The following SPEG variants were observed in gnomAD, a reference collection of about 807,000 sequenced individuals.
SPEG encodes the protein striated muscle preferentially expressed protein kinase.
Under a neutral mutation model 300.4 loss-of-function variants are expected in SPEG, and 114 were observed. That is an observed-to-expected ratio of 0.38 (90% CI 0.33 to 0.44). The LOEUF (loss-of-function observed/expected upper bound fraction) is 0.44. Among genes scored for constraint, SPEG ranks in the 20% least tolerant of loss-of-function variants. The probability of loss-of-function intolerance (pLI) is 1.00; values close to 1 mark genes in which losing one functional copy is unlikely to be tolerated. For synonymous variants in SPEG, 1,964 were observed against 2,018.9 expected (o/e 0.97, Z 0.73); for missense variants, 4,201 against 4,586.2 (o/e 0.92, Z 2.43).
chr2:219,442,429 G>C, intron 1 of SPEG, among the ~76,000 whole-genome samples: 1 of 147,782 alleles, frequency 6.8e-6, no homozygotes, highest in Non-Finnish European at 1.5e-5. Context: ...TCAACCCCGG[G>C]CCCCGGCCCC....
In SPEG at chr2:219,471,951, G is replaced by A; in HGVS notation, c.3799G>A (p.Gly1267Ser). 5 of 1,613,740 alleles carry A rather than the reference G, an allele frequency of 3.1e-6. No individual in the cohort carries two copies. The highest frequency in any genetic ancestry group is 4.2e-6 in the Non-Finnish European group (5 of 1,179,994). The change falls in exon 14 of 41, where the codon GGC becomes AGC. Residue 1267 changes from glycine to serine, a missense_variant. By Grantham distance (56) the Gly-to-Ser change is moderately conservative. Around this residue, in one of 4 missense-constraint regions of SPEG, gnomAD observed 1,047 missense variants for 1,356.8 expected, o/e 0.77. Transcript: ENST00000312358. ...CAAGAGCGTCATTGCCAACAAGCTG[G>A]GCAAAGCTGCCTGCTATGCCCACCT... Reference protein sequence around the residue: ...VYKSVIANKLGKAACYAHLYV... With the variant: ...VYKSVIANKLSKAACYAHLYV...
chr2:219,483,548 G>T lies in SPEG; in HGVS notation c.6085G>T (p.Gly2029Cys). 1 of 1,418,072 alleles carries T rather than the reference G, an allele frequency of 7.1e-7. No individual in the cohort carries two copies. Among genetic ancestry groups the T allele is most frequent in the South Asian group, 1.5e-5 (1 of 65,650 alleles). 87.8% of individuals were successfully genotyped at this position (1,418,072 alleles called of 1,614,324 possible). The change falls in exon 30 of 41, where the codon GGC (glycine) becomes TGC (cysteine). Residue 2029 changes from glycine (G) to cysteine (C), a missense_variant. This residue lies in a region of SPEG where 1,578 missense variants were observed against 1,506.0 expected (regional missense o/e 1.05). Transcript: ENST00000312358. ...GCCCCGGGCCGGGCCGCGGGAGCTG[G>T]GCCGGGGCCTGCACAAGGCGGCGTC... ...ALPRAGPRELGRGLHKAASVE... is the reference protein window; with the variant it reads ...ALPRAGPRELCRGLHKAASVE...
rs774499373 is a variant in SPEG at position 219,477,361 on chromosome 2, G to T, written c.4645G>T (p.Ala1549Ser). The change falls in exon 20 of 41, where the codon GCC becomes TCC. Residue 1549 changes from alanine (A) to serine (S), a missense_variant. Physicochemically the swap from Ala to Ser is moderately conservative, Grantham distance 99 (BLOSUM62 1). This residue lies in a region of SPEG where 1,047 missense variants were observed against 1,356.8 expected (regional missense o/e 0.77). Transcript: ENST00000312358. This position sits in a 1 kb window ranked among gnomAD's most constrained non-coding sequence, Gnocchi z 6.4. Reference sequence around the variant, plus strand: ...CTCCCTGGTGGTGCTCAGCACGGGGGCCCAGGATGGAGGCGTCTACACCTG... The same window carrying T: ...CTCCCTGGTGGTGCTCAGCACGGGGTCCCAGGATGGAGGCGTCTACACCTG... ...ECSLVVLSTG[A>S]QDGGVYTCTA... 1.2e-6 allele frequency: 2 copies of T among 1,613,186 alleles called. No homozygotes were observed. Among genetic ancestry groups the T allele is most frequent in the East Asian group, 2.2e-5 (1 of 44,864 alleles).
Position 219,444,681 on chromosome 2 carries a change from C to G in SPEG, c.417C>G (p.Ser139Arg), listed in dbSNP as rs780134728. The change falls in exon 2 of 41, where the codon AGC becomes AGG. Residue 139 changes from serine (S) to arginine (R), a missense_variant. By Grantham distance (110) the Ser-to-Arg change is moderately radical. Transcript: ENST00000312358. This position sits in a 1 kb window ranked among gnomAD's most constrained non-coding sequence, Gnocchi z 7.8. ...CAGAGACGGCTGAGGATGACATCAGCGATGTGCAGGGAACCCAGCGCCTGG... is the reference window on the plus strand; with the variant it reads ...CAGAGACGGCTGAGGATGACATCAGGGATGTGCAGGGAACCCAGCGCCTGG... ...GDSETAEDDI[S>R]DVQGTQRLEL... 3.7e-6 allele frequency: 6 copies of G among 1,614,018 alleles called. No homozygotes were observed. The highest frequency in any genetic ancestry group is 1.7e-4 in the Middle Eastern group (1 of 6,058).
chr2:219,489,526 G>A lies in SPEG; in HGVS notation c.8508G>A (p.Lys2836=), dbSNP rs199850470. 3.8e-4 allele frequency: 606 copies of A among 1,608,226 alleles called. 2 individuals carry two copies. The highest frequency in any genetic ancestry group is 2.4e-3 in the South Asian group (215 of 90,910). The change falls in exon 36 of 41, where the codon AAG becomes AAA. Residue 2836 remains lysine, a synonymous_variant. Coordinates refer to ENST00000312358, the MANE Select transcript of SPEG (RefSeq NM_005876.5). ...TPPSQALSSL[K]AVGPPPQTPP... ...CTAGCCAGGCCTTGTCCTCGCTCAAGGCTGTGGGTCCACCACCCCAAACCC... is the reference window on the plus strand; with the variant it reads ...CTAGCCAGGCCTTGTCCTCGCTCAAAGCTGTGGGTCCACCACCCCAAACCC...
In SPEG at chr2:219,492,611, A is replaced by C; in HGVS notation, c.9629A>C (p.Gln3210Pro). The stretch of plus-strand genomic sequence containing the variant: ...CCTGGCAGGAGCCGGCCCTCCCTGC[A>C]GGACTGCCTGGCCCACCCATGGTTG... Reference protein sequence around the residue: ...SVHPWSRPSLQDCLAHPWLQD... With the variant: ...SVHPWSRPSLPDCLAHPWLQD... Residue 3210 changes from glutamine to proline, a missense_variant, in exon 41 of 41, where the codon CAG becomes CCG. Physicochemically the swap from Gln to Pro is moderately conservative, Grantham distance 76. Around this residue, in one of 4 missense-constraint regions of SPEG, gnomAD observed 318 missense variants for 429.5 expected, o/e 0.74. Coordinates refer to ENST00000312358, the MANE Select transcript of SPEG (RefSeq NM_005876.5). The C allele has an allele frequency of 1.2e-6, 2 of 1,610,008 alleles. No homozygotes were observed. Among genetic ancestry groups the C allele is most frequent in the African/African-American group, 2.7e-5 (2 of 75,040 alleles).
rs768719984 is a variant in SPEG at position 219,484,351 on chromosome 2, A to G, written c.6888A>G (p.Ser2296=). ...PPGAPEKRVP[S]AGGPPVLAEK... ...GAGCCCCCGAGAAGCGCGTGCCCTC[A>G]GCCGGGGGTCCCCCGGTGCTAGCCG... The change falls in exon 30 of 41, where the codon TCA becomes TCG. Residue 2296 remains serine (S), a synonymous_variant. Transcript: ENST00000312358. 6.2e-7 allele frequency: 1 copy of G among 1,604,832 alleles called. No homozygotes were observed.
Position 219,462,435 on chromosome 2 carries a change from TG to T in SPEG, c.2705+51del, listed in dbSNP as rs763971269. 1.8e-4 allele frequency: 269 copies of T among 1,472,874 alleles called. 2 individuals carry two copies. The Middle Eastern group carries it at 1.9e-3, about 11-fold the overall frequency. The allele number at this position is 1,472,874 out of a possible 1,614,324, so 91.2% of individuals were successfully genotyped here. A position where few individuals can be genotyped will look rare whatever the true frequency, so the allele number is the denominator to read the frequency against. On this transcript the variant is annotated intron_variant, in intron 8 of 40. Coordinates refer to ENST00000312358, the MANE Select transcript of SPEG (RefSeq NM_005876.5). ...CCCACCAGCGACTCTATGCCAGGCCTGGCTCTGGGAGGTCTGGCTTTGGGTG... is the reference window on the plus strand; with the variant it reads ...CCCACCAGCGACTCTATGCCAGGCCTGCTCTGGGAGGTCTGGCTTTGGGTG...
chr2:219,455,563 C>G (rs1382138494), intron 6 of SPEG, among the ~76,000 whole-genome samples: 1 of 152,152 alleles, frequency 6.6e-6, no homozygotes, highest in Non-Finnish European at 1.5e-5. Flanking sequence ...CAGCTGGAGG[C>G]TGGAGCTATG....
chr2:219,469,152 G>C lies in SPEG; in HGVS notation c.3492-4G>C. ...GGCCTGTGGGCAGCTGTGTGGTCTT[G>C]CAGCTCGAAGCTGGAGAAGATGCCA... On this transcript the variant is annotated splice_region_variant and splice_polypyrimidine_tract_variant and intron_variant, in intron 12 of 40. Transcript: ENST00000312358. 6.2e-7 allele frequency: 1 copy of C among 1,613,646 alleles called. No individual in the cohort carries two copies. The highest frequency in any genetic ancestry group is 8.5e-7 in the Non-Finnish European group (1 of 1,179,868).
Position 219,484,331 on chromosome 2 carries a change from C to T in SPEG, c.6868C>T (p.Pro2290Ser), listed in dbSNP as rs1693168970. 6.2e-7 allele frequency: 1 copy of T among 1,604,302 alleles called. No homozygotes were observed. The highest frequency in any genetic ancestry group is 1.1e-5 in the South Asian group (1 of 90,838). Residue 2290 changes from proline (P) to serine (S), a missense_variant, in exon 30 of 41, where the codon CCC becomes TCC. By Grantham distance (74) the Pro-to-Ser change is moderately conservative. This residue lies in a region of SPEG where 1,578 missense variants were observed against 1,506.0 expected (regional missense o/e 1.05). Transcript: ENST00000312358. ...GGTGGCCTCCCCACCTCCGGGAGCC[C>T]CCGAGAAGCGCGTGCCCTCAGCCGG... Reference protein sequence around the residue: ...ARVASPPPGAPEKRVPSAGGP... With the variant: ...ARVASPPPGASEKRVPSAGGP...
chr2:219,477,790 G>C lies in SPEG; in HGVS notation c.4826+5G>C. Reference sequence around the variant, plus strand: ...CATCCACCAGGAGATCGGCAGGTGTGGGGCTAGGAGGGAAGCCAGTGGGGG... The same window carrying C: ...CATCCACCAGGAGATCGGCAGGTGTCGGGCTAGGAGGGAAGCCAGTGGGGG... On this transcript the variant is annotated splice_donor_5th_base_variant and intron_variant, in intron 21 of 40. Transcript: ENST00000312358. The surrounding 1 kb of genome is among the most constrained non-coding windows in gnomAD (Gnocchi z 6.4). 1 of 1,601,170 alleles carries C rather than the reference G, an allele frequency of 6.2e-7. No homozygotes were observed. Among genetic ancestry groups the C allele is most frequent in the East Asian group, 2.2e-5 (1 of 44,710 alleles).
intron 8 of SPEG, among the ~76,000 whole-genome samples, chr2:219,463,998 T>C (rs922450044): frequency 2.6e-5 from 4 of 151,886 alleles, no homozygotes; most frequent in African/African-American, 4.8e-5. Context: ...GGCGTGTGCC[T>C]GTAGTCCCAG....
At position 219,493,164 on chromosome 2, in the gene SPEG, A is replaced by G. The variant is rs1575212276; in HGVS notation, c.*378A>G. 4.6e-6 allele frequency: 2 copies of G among 431,512 alleles called. No individual in the cohort carries two copies. Among genetic ancestry groups the G allele is most frequent in the Admixed American group, 3.1e-5 (1 of 32,302 alleles). The allele number at this position is 431,512 out of a possible 1,614,324, so 26.7% of individuals were successfully genotyped here. On this transcript the variant is annotated 3_prime_UTR_variant, in exon 41 of 41. Transcript: ENST00000312358. ...AACCAAGGAAGGTGGGCATGGCTGG[A>G]GAGGAGGAAAAGGAAGGAGCCCCAG... is the stretch of plus-strand genomic sequence containing the variant.
Position 219,492,092 on chromosome 2 carries a change from A to G in SPEG, c.9462-19A>G. ...GGCCTCCGGTCTGCATACGTCAATC[A>G]AGCTATCTTCCCCAACAGGCTCAGT... On this transcript the variant is annotated intron_variant, in intron 39 of 40. Coordinates refer to ENST00000312358, the MANE Select transcript of SPEG (RefSeq NM_005876.5). 6.2e-7 allele frequency: 1 copy of G among 1,604,862 alleles called. No homozygotes were observed. The highest frequency in any genetic ancestry group is 8.5e-7 in the Non-Finnish European group (1 of 1,173,928).
rs973266245 is a variant in SPEG, at chr2:219,448,737, C to T, written c.1579C>T (p.Pro527Ser). ...LRATLQRAPS[P>S]REPGEPPLFS... ...CGCCACGCTGCAGCGTGCCCCATCCCCTCGAGAGCCCGGCGAGCCCCCGCT... is the reference window on the plus strand; with the variant it reads ...CGCCACGCTGCAGCGTGCCCCATCCTCTCGAGAGCCCGGCGAGCCCCCGCT... Residue 527 changes from proline to serine, a missense_variant, in exon 4 of 41, where the codon CCT becomes TCT. Pro to Ser is a moderately conservative substitution (Grantham distance 74). Transcript: ENST00000312358. The T allele has an allele frequency of 1.3e-6, 2 of 1,481,502 alleles. No individual in the cohort carries two copies. Among genetic ancestry groups the T allele is most frequent in the East Asian group, 5.7e-5 (2 of 34,942 alleles). 91.8% of individuals were successfully genotyped at this position (1,481,502 alleles called of 1,614,324 possible). A position where few individuals can be genotyped will look rare whatever the true frequency, so the allele number is the denominator to read the frequency against.
Position 219,451,627 on chromosome 2 carries a change from T to C in SPEG, c.2260T>C (p.Ser754Pro), listed in dbSNP as rs1258899000. 1 of 1,557,770 alleles carries C rather than the reference T, an allele frequency of 6.4e-7. No homozygotes were observed. Among genetic ancestry groups the C allele is most frequent in the South Asian group, 1.2e-5 (1 of 83,696 alleles). ...IITANPPPQV[S>P]WHKDGSALRS... ...CGGGTCCCTGTGCCTCCCCACAGTG[T>C]CCTGGCACAAGGATGGGTCAGCGCT... is the stretch of plus-strand genomic sequence containing the variant. The change falls in exon 6 of 41, where the codon TCC (serine) becomes CCC (proline). Residue 754 changes from serine to proline, a missense_variant and splice_region_variant. Ser to Pro is a moderately conservative substitution (Grantham distance 74). This residue lies in a region of SPEG where 1,258 missense variants were observed against 1,293.9 expected (regional missense o/e 0.97). Transcript: ENST00000312358. This position sits in a 1 kb window ranked among gnomAD's most constrained non-coding sequence, Gnocchi z 6.4.
Position 219,467,174 on chromosome 2 carries a change from C to A in SPEG, c.2882C>A (p.Ala961Glu). Residue 961 changes from alanine (A) to glutamate (E), a missense_variant and splice_region_variant, in exon 10 of 41, where the codon GCA (alanine) becomes GAA (glutamate). By Grantham distance (107) the Ala-to-Glu change is moderately radical (BLOSUM62 -1). This residue lies in a region of SPEG where 1,047 missense variants were observed against 1,356.8 expected (regional missense o/e 0.77). Transcript: ENST00000312358. Reference protein sequence around the residue: ...RQCEARLEVRAHPESRSLAVL... With the variant: ...RQCEARLEVREHPESRSLAVL... Reference sequence around the variant, plus strand: ...GCCCCCGTGGCTGCTTTCCCCTCAGCACACCCTGAAAGCCGGTCCCTGGCC... The same window carrying A: ...GCCCCCGTGGCTGCTTTCCCCTCAGAACACCCTGAAAGCCGGTCCCTGGCC... 1 of 1,571,932 alleles carries A rather than the reference C, an allele frequency of 6.4e-7. No homozygotes were observed. The highest frequency in any genetic ancestry group is 1.2e-5 in the South Asian group (1 of 86,392).
chr2:219,448,535 G>C lies in SPEG; in HGVS notation c.1377G>C (p.Ala459=). The change falls in exon 4 of 41, where the codon GCG becomes GCC. Residue 459 remains alanine, a synonymous_variant. Transcript: ENST00000312358. ...GGGCCTCGCAGGAAGAACTGCGGGCGCCAGGCAGCGTGGCCGAGCGGCGCC... is the reference window on the plus strand; with the variant it reads ...GGGCCTCGCAGGAAGAACTGCGGGCCCCAGGCAGCGTGGCCGAGCGGCGCC... The part of the protein sequence containing the change: ...TPGASQEELR[A]PGSVAERRRL... The C allele has an allele frequency of 1.4e-6, 2 of 1,444,020 alleles. No individual in the cohort carries two copies. The highest frequency in any genetic ancestry group is 1.8e-6 in the Non-Finnish European group (2 of 1,108,094). 89.5% of individuals were successfully genotyped at this position (1,444,020 alleles called of 1,614,324 possible).
Sources: gnomAD v4.1 joint callset for allele counts (sites outside exome capture counted in the v4.1 genomes callset) on GRCh38, gnomAD v4.1.1 for gene constraint, gnomAD v4.1.1 regional missense constraint, Gnocchi (gnomAD v3.1) non-coding constraint, MANE v1.5 for transcripts, NCBI Gene and HGNC (gene_info 2026-07-23, HGNC 2026-07-21) for gene names.